ZBTB20: variants seen among roughly 807,000 people sequenced by gnomAD.
The protein encoded by ZBTB20 is zinc finger and BTB domain-containing protein 20.
A neutral mutation model predicts 56.9 loss-of-function variants in ZBTB20; 9 were observed. The observed-to-expected ratio is 0.16, with a 90% CI of 0.10 to 0.28. The LOEUF is 0.28. Ranked by LOEUF, ZBTB20 falls within the 10% of genes least tolerant of loss-of-function variation. The pLI is 1.00. For synonymous variants in ZBTB20, 417 were observed against 420.7 expected (o/e 0.99, Z 0.11); for missense variants, 655 against 1,003.0 (o/e 0.65, Z 4.69).
chr3:114,619,375 T>C (rs936234900), intron 6 of ZBTB20, among the ~76,000 whole-genome samples: 1 of 152,192 alleles, frequency 6.6e-6, no homozygotes, highest in Admixed American at 6.5e-5. Context: ...TCTATATATA[T>C]AAACTCCAGG....
At chr3:115,000,223 T>A (rs1478121861) in intron 2 of ZBTB20, among the ~76,000 whole-genome samples, 5 of 151,610 alleles carry the variant, frequency 3.3e-5, no homozygotes, top group Admixed American at 2.0e-4. Flanking sequence ...ATATTACTGA[T>A]AATTTTAGGA....
chr3:114,659,453 G>A (rs909505183), intron 6 of ZBTB20, among the ~76,000 whole-genome samples: 8 of 152,162 alleles, frequency 5.3e-5, no homozygotes, highest in Admixed American at 2.6e-4. Flanking sequence ...CTGCATCAAA[G>A]GCTGTGTTCC....
intron 5 of ZBTB20, among the ~76,000 whole-genome samples, chr3:114,799,310 C>T (rs1218999852): frequency 6.6e-6 from 1 of 151,822 alleles, no homozygotes; most frequent in Non-Finnish European, 1.5e-5. Context: ...ATGCTGAAGA[C>T]CATTTCATAG....
At chr3:114,904,782 G>T (rs536220771) in intron 3 of ZBTB20, among the ~76,000 whole-genome samples, 1 of 151,916 alleles carries the variant, frequency 6.6e-6, no homozygotes, top group Non-Finnish European at 1.5e-5. Context: ...GAAGTATGAG[G>T]AGCACAGTTA....
At position 114,763,519 on chromosome 3, in the gene ZBTB20, C is replaced by T. The variant is rs1040253090; in HGVS notation, c.-343+37582G>A. On this transcript the variant is annotated intron_variant, in intron 5 of 11. Transcript: ENST00000675478. The stretch of plus-strand genomic sequence containing the variant: ...CATAGAACATAGAATATAGAAATCC[C>T]CAAATATAAGAATGAAAACTTAAAT... 2.0e-5 allele frequency among the ~76,000 whole-genome samples: 3 copies of T among 151,944 alleles called. No homozygotes were observed. The East Asian group carries it at 5.8e-4, about 29-fold the overall frequency.
At chr3:114,491,692 G>GTATT (rs1354545814) in intron 7 of ZBTB20, among the ~76,000 whole-genome samples, 3 of 151,960 alleles carry the variant, frequency 2.0e-5, no homozygotes, top group Non-Finnish European at 2.9e-5. Flanking sequence ...CCTCTCTACG[G>GTATT]TATTCTTCCC....
Position 114,483,834 on chromosome 3 carries a change from G to A in ZBTB20, c.-255+16518C>T, listed in dbSNP as rs115336098. Among the ~76,000 whole-genome samples the A allele has an allele frequency of 5.7e-3, 871 of 151,888 alleles. 7 individuals carry two copies. The highest frequency in any genetic ancestry group is 0.013 in the African/African-American group (529 of 41,444). ...GAGCTTTATTAAAATATCACAATTCGGCATTGTTTCATAAACATAATTATA... is the reference window on the plus strand; with the variant it reads ...GAGCTTTATTAAAATATCACAATTCAGCATTGTTTCATAAACATAATTATA... On this transcript the variant is annotated intron_variant, in intron 7 of 11. Coordinates refer to ENST00000675478, the MANE Select transcript of ZBTB20 (RefSeq NM_001348800.3).
chr3:114,637,558 T>C (rs1413378720), intron 6 of ZBTB20, among the ~76,000 whole-genome samples: 2 of 152,112 alleles, frequency 1.3e-5, no homozygotes, highest in Non-Finnish European at 2.9e-5. Flanking sequence ...TTTATTTTGG[T>C]ATTTCCACAG....
chr3:114,729,844 C>T (rs1230014889), intron 5 of ZBTB20, among the ~76,000 whole-genome samples: 2 of 151,818 alleles, frequency 1.3e-5, no homozygotes, highest in Non-Finnish European at 2.9e-5. Context: ...CACTCTGTCA[C>T]CCAAGCTGGA....
intron 4 of ZBTB20, among the ~76,000 whole-genome samples, chr3:114,859,025 T>C: frequency 6.6e-6 from 1 of 152,136 alleles, no homozygotes. Flanking sequence ...GAAATTGCAT[T>C]TAGTTAATGC....
chr3:114,407,806 C>G (rs778631482), intron 7 of ZBTB20, among the ~76,000 whole-genome samples: 1 of 151,742 alleles, frequency 6.6e-6, no homozygotes, highest in Non-Finnish European at 1.5e-5. Context: ...GGGATTGTAT[C>G]GAAATTTGCC....
chr3:115,107,464 C>A (rs1248154019), intron 1 of ZBTB20, among the ~76,000 whole-genome samples: 1 of 151,640 alleles, frequency 6.6e-6, no homozygotes, highest in Admixed American at 6.6e-5. Context: ...ATATCTCACA[C>A]CAGTCAGAAT....
chr3:114,600,356 C>A (rs2056666635), intron 6 of ZBTB20, among the ~76,000 whole-genome samples: 1 of 151,874 alleles, frequency 6.6e-6, no homozygotes. Context: ...GATCCTCTTA[C>A]CTCTCTCTCC....
intron 5 of ZBTB20, among the ~76,000 whole-genome samples, chr3:114,800,500 G>A (rs938533001): frequency 1.3e-5 from 2 of 151,850 alleles, no homozygotes; most frequent in East Asian, 1.9e-4. Flanking sequence ...TGTAGCTCAC[G>A]GGAAGACATA....
chr3:115,115,790 A>G lies in ZBTB20; in HGVS notation c.-703+31429T>C, dbSNP rs551601892. 2.4e-4 allele frequency among the ~76,000 whole-genome samples: 36 copies of G among 152,180 alleles called. No homozygotes were observed. The East Asian group carries it at 6.6e-3, about 28-fold the overall frequency. ...TGTACTGAGTCTCACGTGACATTAA[A>G]CACTGCTTGATTCATGATCTAGGTA... On this transcript the variant is annotated intron_variant, in intron 1 of 11. Coordinates refer to ENST00000675478, the MANE Select transcript of ZBTB20 (RefSeq NM_001348800.3).
rs2079032030 is a variant in ZBTB20, at chr3:114,325,445, C to T, written c.*13560G>A. ...TTTTCAGTGATCTCTCTGTACACTC[C>T]TCTCGGGCCCGGATAGCACATTAGG... On this transcript the variant is annotated 3_prime_UTR_variant, in exon 12 of 12. Transcript: ENST00000675478. 6.6e-6 allele frequency: 1 copy of T among 152,146 alleles called. No homozygotes were observed. Among genetic ancestry groups the T allele is most frequent in the Admixed American group, 6.5e-5 (1 of 15,272 alleles). The allele number at this position is 152,146 out of a possible 1,614,324, so 9.4% of individuals were successfully genotyped here. A position where few individuals can be genotyped will look rare whatever the true frequency, so the allele number is the denominator to read the frequency against.
At chr3:114,843,523 G>A (rs1228515240) in intron 4 of ZBTB20, among the ~76,000 whole-genome samples, 2 of 152,062 alleles carry the variant, frequency 1.3e-5, no homozygotes, top group Non-Finnish European at 2.9e-5. Flanking sequence ...ATTCTACCTT[G>A]AATATATATA....
chr3:114,469,536 G>A (rs1262384607), intron 7 of ZBTB20, among the ~76,000 whole-genome samples: 2 of 152,198 alleles, frequency 1.3e-5, no homozygotes, highest in Non-Finnish European at 1.5e-5. Flanking sequence ...ATAAAGAGGA[G>A]GTGGTATTTG....
chr3:114,398,906 ATTC>A (rs1222297944), intron 7 of ZBTB20, among the ~76,000 whole-genome samples: 1 of 152,164 alleles, frequency 6.6e-6, no homozygotes, highest in Non-Finnish European at 1.5e-5. Flanking sequence ...ACATTGGTGA[ATTC>A]AAGGCAGCTT....
Sources: gnomAD v4.1 joint callset for allele counts (sites outside exome capture counted in the v4.1 genomes callset) on GRCh38, gnomAD v4.1.1 for gene constraint, MANE v1.5 for transcripts, NCBI Gene and HGNC (gene_info 2026-07-23, HGNC 2026-07-21) for gene names.